The following DCAF6 variants were observed in gnomAD, a reference collection of about 807,000 sequenced individuals.
The protein encoded by DCAF6 is DDB1- and CUL4-associated factor 6.
A neutral mutation model predicts 125.1 loss-of-function variants in DCAF6; 54 were observed. The observed-to-expected ratio is 0.43, with a 90% CI of 0.35 to 0.54. The LOEUF (loss-of-function observed/expected upper bound fraction) is 0.54, where lower values mean the gene tolerates loss of function less well. DCAF6 is among the 20% of genes least tolerant of loss of function. The probability of loss-of-function intolerance (pLI) is 0.01; values close to 1 mark genes in which losing one functional copy is unlikely to be tolerated. For synonymous variants in DCAF6, 371 were observed against 390.4 expected (o/e 0.95, Z 0.58); for missense variants, 934 against 1,161.7 (o/e 0.80, Z 2.85).
At chr1:167,960,941 C>T (rs1417673789) in intron 2 of DCAF6, among the ~76,000 whole-genome samples, 1 of 152,106 alleles carries the variant, frequency 6.6e-6, no homozygotes, top group Non-Finnish European at 1.5e-5. Flanking sequence ...GAATAATTGA[C>T]ATCTTGAAAA....
chr1:168,049,259 T>C (rs962203271), intron 16 of DCAF6, among the ~76,000 whole-genome samples: 4 of 152,136 alleles, frequency 2.6e-5, no homozygotes, highest in African/African-American at 9.7e-5. Flanking sequence ...TTTTATTTTT[T>C]TGAGACAGGG....
chr1:167,873,826 T>C, the DCAF6 span, among the ~76,000 whole-genome samples: 1 of 152,140 alleles, frequency 6.6e-6, no homozygotes, highest in Non-Finnish European at 1.5e-5. Context: ...GCACTAACTA[T>C]AAAAGACAGG....
the DCAF6 span, among the ~76,000 whole-genome samples, chr1:167,891,935 T>G: frequency 6.6e-6 from 1 of 151,994 alleles, no homozygotes; most frequent in African/African-American, 2.4e-5. Flanking sequence ...AAAAGAGATT[T>G]AATAATTTCT....
intron 17 of DCAF6, among the ~76,000 whole-genome samples, chr1:168,051,136 A>G (rs1689874493): frequency 1.3e-5 from 2 of 152,234 alleles, no homozygotes; most frequent in Non-Finnish European, 2.9e-5. Flanking sequence ...ATGAAAAGAA[A>G]TTTCCTGTGT....
chr1:167,937,262 T>TTTAC, intron 1 of DCAF6: 1 of 548,012 alleles, frequency 1.8e-6, no homozygotes, highest in Non-Finnish European at 3.4e-6. Context: ...GGTACTGGCT[T>TTTAC]GTAAAGGTGT....
chr1:167,883,593 C>A, the DCAF6 span: 9 of 1,614,216 alleles, frequency 5.6e-6, no homozygotes, highest in South Asian at 9.9e-5. Flanking sequence ...CTGGGCGAAG[C>A]TCAGATAAAT....
At chr1:167,988,592 A>G (rs1265501086) in intron 5 of DCAF6, among the ~76,000 whole-genome samples, 1 of 152,170 alleles carries the variant, frequency 6.6e-6, no homozygotes. Flanking sequence ...TCCTTGGATC[A>G]TTTTGAAGTA....
At chr1:167,967,501 T>C (rs1676595881) in intron 3 of DCAF6, among the ~76,000 whole-genome samples, 1 of 152,136 alleles carries the variant, frequency 6.6e-6, no homozygotes, top group Non-Finnish European at 1.5e-5. Flanking sequence ...AAAAAGAAAG[T>C]GTGTGATGTT....
At chr1:168,029,892 A>T (rs1037523555) in intron 12 of DCAF6, among the ~76,000 whole-genome samples, 1 of 151,932 alleles carries the variant, frequency 6.6e-6, no homozygotes, top group Non-Finnish European at 1.5e-5. Context: ...AGGTGGGAGA[A>T]TGGCGTGAAC....
intron 17 of DCAF6, chr1:168,056,276 C>T (rs1202673211): frequency 9.3e-6 from 15 of 1,610,666 alleles, no homozygotes; most frequent in East Asian, 8.9e-5. Flanking sequence ...ATTTACGCAC[C>T]GAGAGCAGAG....
the DCAF6 span, chr1:167,924,456 A>G: frequency 6.5e-7 from 1 of 1,543,908 alleles, no homozygotes; most frequent in Non-Finnish European, 8.8e-7. Context: ...CCTATTAAGG[A>G]ATTTGTCTTT....
At chr1:168,062,480 C>T (rs1691721811) in intron 17 of DCAF6, among the ~76,000 whole-genome samples, 1 of 152,100 alleles carries the variant, frequency 6.6e-6, no homozygotes, top group South Asian at 2.1e-4. Context: ...TTTTCCTGAA[C>T]TCTTACCATT....
intron 12 of DCAF6, among the ~76,000 whole-genome samples, chr1:168,034,300 AG>A (rs1687524360): frequency 6.6e-6 from 1 of 152,176 alleles, no homozygotes; most frequent in South Asian, 2.1e-4. Context: ...GGATCACTTG[AG>A]GCCAGGAGTT....
chr1:168,055,717 A>G (rs1351521486), intron 17 of DCAF6, among the ~76,000 whole-genome samples: 1 of 93,108 alleles, frequency 1.1e-5, no homozygotes, highest in Non-Finnish European at 1.9e-5. Flanking sequence ...GACGCATATT[A>G]TATTTATCTA....
intron 1 of DCAF6, among the ~76,000 whole-genome samples, chr1:167,945,556 A>G (rs1270874442): frequency 6.6e-6 from 1 of 152,084 alleles, no homozygotes; most frequent in East Asian, 1.9e-4. Context: ...CAGTGGCACA[A>G]TCTCGGCTTA....
intron 10 of DCAF6, among the ~76,000 whole-genome samples, chr1:168,006,602 C>T (rs1414191755): frequency 2.6e-5 from 4 of 152,080 alleles, no homozygotes; most frequent in Non-Finnish European, 5.9e-5. Flanking sequence ...TTTGTCCAAT[C>T]TCTTTTGCAT....
At chr1:167,950,067 C>T (rs1239105022) in intron 1 of DCAF6, among the ~76,000 whole-genome samples, 4 of 152,200 alleles carry the variant, frequency 2.6e-5, no homozygotes, top group Non-Finnish European at 4.4e-5. Context: ...TAGAAGAGTT[C>T]TTGCTAAAAC....
upstream of DCAF6, among the ~76,000 whole-genome samples, chr1:167,933,152 T>C (rs2102560257): frequency 1.3e-5 from 2 of 150,928 alleles, no homozygotes; most frequent in South Asian, 4.2e-4. Flanking sequence ...TATGTATCTA[T>C]ACATAAAAAC....
intron 16 of DCAF6, among the ~76,000 whole-genome samples, chr1:168,048,826 A>G (rs949772745): frequency 2.6e-5 from 4 of 152,230 alleles, no homozygotes; most frequent in East Asian, 3.8e-4. Context: ...TTAAAAATGT[A>G]AAAACTATTC....
Sources: gnomAD v4.1 joint callset for allele counts (sites outside exome capture counted in the v4.1 genomes callset) on GRCh38, gnomAD v4.1.1 for gene constraint, MANE v1.5 for transcripts, NCBI Gene and HGNC (gene_info 2026-07-23, HGNC 2026-07-21) for gene names.